Variants in ARHGEF28 observed in about 807,000 individuals in gnomAD.
ARHGEF28 encodes 190 kDa guanine nucleotide exchange factor.
Under a neutral mutation model 206.6 loss-of-function variants are expected in ARHGEF28, and 152 were observed. The observed-to-expected ratio is 0.74, with a 90% CI of 0.64 to 0.84. The LOEUF (loss-of-function observed/expected upper bound fraction) is 0.84, where lower values mean the gene tolerates loss of function less well. Ranked by LOEUF, ARHGEF28 falls within the 40% of genes least tolerant of loss-of-function variation. The pLI is 0.00. For synonymous variants in ARHGEF28, 763 were observed against 776.4 expected (o/e 0.98, Z 0.29); for missense variants, 2,028 against 2,073.2 (o/e 0.98, Z 0.42).
intron 1 of ARHGEF28, among the ~76,000 whole-genome samples, chr5:73,671,744 T>A (rs1362411005): frequency 2.7e-3 from 53 of 19,786 alleles, no homozygotes; most frequent in African/African-American, 9.1e-3. Context: ...ATATATTTTT[T>A]TTTTTTTTTT....
At chr5:73,770,524 G>T (rs1046417451) in intron 4 of ARHGEF28, among the ~76,000 whole-genome samples, 1 of 152,212 alleles carries the variant, frequency 6.6e-6, no homozygotes, top group African/African-American at 2.4e-5. Flanking sequence ...AACAGGAAGA[G>T]ACATTTATTT....
intron 11 of ARHGEF28, among the ~76,000 whole-genome samples, chr5:73,845,943 G>A (rs983946243): frequency 7.7e-6 from 1 of 130,280 alleles, no homozygotes; most frequent in Non-Finnish European, 1.6e-5. Flanking sequence ...AACCAAGATT[G>A]TGTCACTGCA....
At chr5:73,689,037 T>G (rs932275477) in intron 2 of ARHGEF28, among the ~76,000 whole-genome samples, 12 of 152,224 alleles carry the variant, frequency 7.9e-5, no homozygotes, top group African/African-American at 2.4e-4. Flanking sequence ...AATTTTAGAT[T>G]CTATCACTTT....
At chr5:73,840,825 A>T (rs1166172468) in intron 11 of ARHGEF28, 65 bp downstream of exon 11, 1 of 1,474,886 alleles carries the variant, frequency 6.8e-7, no homozygotes, top group African/African-American at 1.4e-5. Flanking sequence ...AGACTTCAAA[A>T]ATTCTAGTTT....
intron 11 of ARHGEF28, among the ~76,000 whole-genome samples, chr5:73,844,509 G>A (rs79303035): frequency 1.3e-5 from 2 of 151,724 alleles, no homozygotes; most frequent in East Asian, 1.9e-4. Context: ...ATAAGACCAG[G>A]ACTCATACCA....
At chr5:73,723,202 TC>T in intron 2 of ARHGEF28, among the ~76,000 whole-genome samples, 1 of 152,146 alleles carries the variant, frequency 6.6e-6, no homozygotes, top group Non-Finnish European at 1.5e-5. Flanking sequence ...TTTTTTTTTT[TC>T]CTTTGTGATG....
intron 35 of ARHGEF28, among the ~76,000 whole-genome samples, chr5:73,928,341 GGGAGGT>G (rs532127079): frequency 3.0e-4 from 46 of 152,212 alleles, no homozygotes; most frequent in African/African-American, 1.0e-3. Context: ...GCTTGAACCC[GGGAGGT>G]GGAGGTTGCA....
At chr5:73,752,807 C>A in intron 3 of ARHGEF28, 102 bp from the exon 4 acceptor site, 3 of 1,317,172 alleles carry the variant, frequency 2.3e-6, no homozygotes, top group Non-Finnish European at 2.1e-6. Context: ...TCTCCTGGAG[C>A]GTGTTGTCTG....
chr5:73,858,290 TG>T, intron 16 of ARHGEF28, 71 bp downstream of exon 16: 1 of 1,498,004 alleles, frequency 6.7e-7, no homozygotes, highest in East Asian at 2.3e-5. Flanking sequence ...AGAGGCTCAT[TG>T]CTCAATACAT....
intron 1 of ARHGEF28, among the ~76,000 whole-genome samples, chr5:73,666,950 G>A (rs1745995814): frequency 6.6e-6 from 1 of 152,110 alleles, no homozygotes; most frequent in South Asian, 2.1e-4. Context: ...TGGAGTTTTT[G>A]GCCCTCTGAC....
chr5:73,831,171 G>A (rs867906789), intron 9 of ARHGEF28, among the ~76,000 whole-genome samples: 1 of 152,068 alleles, frequency 6.6e-6, no homozygotes, highest in African/African-American at 2.4e-5. Context: ...CTTTTTACCA[G>A]GCATGTGTCA....
chr5:73,882,403 A>G (rs1281672289), intron 22 of ARHGEF28, 69 bp from the exon 23 acceptor site: 3 of 1,119,658 alleles, frequency 2.7e-6, no homozygotes, highest in Non-Finnish European at 3.6e-6. Flanking sequence ...ATAGATGAAA[A>G]TTGCATATTT....
At chr5:73,837,601 T>C (rs569078847) in intron 10 of ARHGEF28, among the ~76,000 whole-genome samples, 1 of 151,970 alleles carries the variant, frequency 6.6e-6, no homozygotes, top group Non-Finnish European at 1.5e-5. Context: ...ACTATATATA[T>C]TATGCTTTTA....
At chr5:73,694,625 T>C (rs1427713759) in intron 2 of ARHGEF28, among the ~76,000 whole-genome samples, 3 of 152,328 alleles carry the variant, frequency 2.0e-5, no homozygotes, top group Admixed American at 2.0e-4. Flanking sequence ...TTATAGAAGA[T>C]GTGATTTAGC....
At chr5:73,924,605 G>A (rs1763699600) in intron 35 of ARHGEF28, among the ~76,000 whole-genome samples, 1 of 152,192 alleles carries the variant, frequency 6.6e-6, no homozygotes. Context: ...TGGTTGCTCT[G>A]GGGACCAGAG....
chr5:73,930,575 A>G (rs969668637), intron 35 of ARHGEF28, among the ~76,000 whole-genome samples: 1 of 152,208 alleles, frequency 6.6e-6, no homozygotes, highest in African/African-American at 2.4e-5. Flanking sequence ...TAAGATTCGA[A>G]AAGGACATTC....
At chr5:73,723,761 C>T (rs1032951857) in intron 2 of ARHGEF28, among the ~76,000 whole-genome samples, 11 of 152,240 alleles carry the variant, frequency 7.2e-5, no homozygotes, top group African/African-American at 9.6e-5. Flanking sequence ...ATCACAAAGG[C>T]GTGGAGGGCA....
chr5:73,813,288 A>C (rs1353801138), intron 9 of ARHGEF28, among the ~76,000 whole-genome samples: 1 of 152,166 alleles, frequency 6.6e-6, no homozygotes, highest in Non-Finnish European at 1.5e-5. Flanking sequence ...ATTTGCTCCC[A>C]ATGACCTTTT....
At chr5:73,863,948 C>A (rs1257315362) in intron 16 of ARHGEF28, among the ~76,000 whole-genome samples, 1 of 152,142 alleles carries the variant, frequency 6.6e-6, no homozygotes, top group African/African-American at 2.4e-5. Context: ...CTGCCCAGTT[C>A]TTGTTGGGTC....
Sources: gnomAD v4.1 joint callset for allele counts (sites outside exome capture counted in the v4.1 genomes callset) on GRCh38, gnomAD v4.1.1 for gene constraint, MANE v1.5 for transcripts, NCBI Gene and HGNC (gene_info 2026-07-23, HGNC 2026-07-21) for gene names.